The following NKAIN2 variants were observed in gnomAD, a reference collection of about 807,000 sequenced individuals.
NKAIN2 encodes the protein sodium/potassium transporting ATPase interacting 2.
A neutral mutation model predicts 32.6 loss-of-function variants in NKAIN2; 14 were observed. That is an observed-to-expected ratio of 0.43 (90% CI 0.28 to 0.67). The LOEUF is 0.67. Ranked by LOEUF, NKAIN2 falls within the 30% of genes least tolerant of loss-of-function variation. The pLI is 0.17. For missense variants in NKAIN2, 198 were observed against 258.3 expected, an observed-to-expected ratio of 0.77 and a Z score of 1.60; for synonymous variants, 80 against 87.2, an observed-to-expected ratio of 0.92 and a Z score of 0.46.
intron 1 of NKAIN2, among the ~76,000 whole-genome samples, chr6:124,169,308 A>T (rs547446243): frequency 2.0e-5 from 3 of 152,260 alleles, no homozygotes; most frequent in Admixed American, 6.5e-5. Context: ...GCATTTGATA[A>T]AATTTGGATA....
chr6:124,414,590 C>G (rs1170140787), intron 3 of NKAIN2, among the ~76,000 whole-genome samples: 1 of 152,040 alleles, frequency 6.6e-6, no homozygotes, highest in African/African-American at 2.4e-5. Flanking sequence ...TTTGCTTTTG[C>G]TAAATATTTG....
chr6:124,791,397 G>A lies in NKAIN2; in HGVS notation c.533G>A (p.Ser178Asn). 1 of 1,600,436 alleles carries A rather than the reference G, an allele frequency of 6.2e-7. No homozygotes were observed. Among genetic ancestry groups the A allele is most frequent in the Non-Finnish European group, 8.6e-7 (1 of 1,168,780 alleles). ...AAATGTATAACTGAAGAAGAGGACAGCTGTAAGTATTAAAGCTCTATTCTG... is the reference window on the plus strand; with the variant it reads ...AAATGTATAACTGAAGAAGAGGACAACTGTAAGTATTAAAGCTCTATTCTG... ...VVKCITEEED[S>N]FDFIGGFDSY... The change falls in exon 5 of 7, where the codon AGC becomes AAC. Residue 178 changes from serine to asparagine, a missense_variant and splice_region_variant. Transcript: ENST00000368417.
At chr6:123,840,920 A>G (rs1774841675) in intron 1 of NKAIN2, among the ~76,000 whole-genome samples, 1 of 152,158 alleles carries the variant, frequency 6.6e-6, no homozygotes, top group African/African-American at 2.4e-5. Flanking sequence ...GCTTTCTGTA[A>G]AAGGAAAACA....
At chr6:124,481,272 A>T (rs1384003480) in intron 3 of NKAIN2, among the ~76,000 whole-genome samples, 1 of 151,958 alleles carries the variant, frequency 6.6e-6, no homozygotes, top group Non-Finnish European at 1.5e-5. Flanking sequence ...ATTATTTCCA[A>T]GTTTCAGTTG....
chr6:124,442,898 T>C (rs1405475354), intron 3 of NKAIN2, among the ~76,000 whole-genome samples: 1 of 152,112 alleles, frequency 6.6e-6, no homozygotes, highest in East Asian at 1.9e-4. Flanking sequence ...CTGGGTTGTT[T>C]GTCCCAAGGA....
chr6:124,124,188 T>C (rs1786035161), intron 1 of NKAIN2, among the ~76,000 whole-genome samples: 1 of 152,198 alleles, frequency 6.6e-6, no homozygotes, highest in African/African-American at 2.4e-5. Context: ...AACATTACAC[T>C]GGAAAAGATG....
At chr6:124,207,505 A>T (rs919187339) in intron 1 of NKAIN2, among the ~76,000 whole-genome samples, 7 of 147,970 alleles carry the variant, frequency 4.7e-5, no homozygotes, top group African/African-American at 1.7e-4. Flanking sequence ...TGATTTTTAC[A>T]GTTTTACTAT....
chr6:124,086,050 T>C (rs896560087), intron 1 of NKAIN2, among the ~76,000 whole-genome samples: 4 of 151,940 alleles, frequency 2.6e-5, no homozygotes, highest in African/African-American at 9.7e-5. Context: ...ATTTGCATTA[T>C]TATAGGTCAC....
chr6:123,823,734 GA>G (rs1774021536), intron 1 of NKAIN2, among the ~76,000 whole-genome samples: 1 of 152,096 alleles, frequency 6.6e-6, no homozygotes, highest in Non-Finnish European at 1.5e-5. Flanking sequence ...AGTAGTTGGA[GA>G]AGGATCAGGT....
intron 1 of NKAIN2, among the ~76,000 whole-genome samples, chr6:124,252,542 T>A (rs1405451652): frequency 3.9e-5 from 6 of 152,102 alleles, no homozygotes; most frequent in Non-Finnish European, 8.8e-5. Flanking sequence ...TTGATAGATA[T>A]TTTCATTCTT....
At chr6:124,805,706 A>G (rs1265968075) in intron 5 of NKAIN2, among the ~76,000 whole-genome samples, 3 of 152,220 alleles carry the variant, frequency 2.0e-5, no homozygotes, top group Non-Finnish European at 4.4e-5. Flanking sequence ...ACAGGAGGAA[A>G]TTCAAACCAA....
chr6:124,691,713 GA>G lies in NKAIN2; in HGVS notation c.474+33334del, dbSNP rs369781086. Among the ~76,000 whole-genome samples the G allele has an allele frequency of 6.6e-4, 101 of 152,164 alleles. No homozygotes were observed. In the South Asian group the frequency reaches 0.02, roughly 30 times the overall value. ...AGTCATCCACCCAGGATTATCCTTA[GA>G]AAAAAATGACCTATTTGATTTTTCC... On this transcript the variant is annotated intron_variant, in intron 4 of 6. Transcript: ENST00000368417.
rs73772122 is a variant in NKAIN2 at position 124,459,696 on chromosome 6, G to C, written c.273+104349G>C. ...ATTTATTTTCCCTAATGTTAATATT[G>C]CTTCATCAGTTTTCTTTCTGTTGGT... On this transcript the variant is annotated intron_variant, in intron 3 of 6. Transcript: ENST00000368417. 9.9e-3 allele frequency among the ~76,000 whole-genome samples: 1,503 copies of C among 151,756 alleles called. 22 individuals carry two copies. Among genetic ancestry groups the C allele is most frequent in the African/African-American group, 0.035 (1,433 of 41,458 alleles).
chr6:124,279,327 G>A (rs1795187699), intron 1 of NKAIN2, among the ~76,000 whole-genome samples: 1 of 152,006 alleles, frequency 6.6e-6, no homozygotes, highest in Non-Finnish European at 1.5e-5. Context: ...CTAACACGGT[G>A]AAACCCCGTC....
At chr6:124,637,359 C>T (rs1319664077) in intron 3 of NKAIN2, among the ~76,000 whole-genome samples, 2 of 151,944 alleles carry the variant, frequency 1.3e-5, no homozygotes, top group Non-Finnish European at 2.9e-5. Context: ...TTTTACCTCT[C>T]TTATTCAATA....
intron 1 of NKAIN2, among the ~76,000 whole-genome samples, chr6:123,929,616 A>G (rs750935891): frequency 4.6e-5 from 7 of 152,172 alleles, no homozygotes; most frequent in African/African-American, 9.6e-5. Context: ...AAGTATTTAC[A>G]TTACTATTAC....
At chr6:124,226,957 A>G (rs914787200) in intron 1 of NKAIN2, among the ~76,000 whole-genome samples, 3 of 152,124 alleles carry the variant, frequency 2.0e-5, no homozygotes, top group African/African-American at 7.2e-5. Context: ...AGAAATAGAA[A>G]TAGAGTATTT....
At chr6:124,510,523 T>C (rs569998557) in intron 3 of NKAIN2, among the ~76,000 whole-genome samples, 1 of 152,362 alleles carries the variant, frequency 6.6e-6, no homozygotes, top group South Asian at 2.1e-4. Flanking sequence ...GGAATCTGCA[T>C]GCCATCTTTA....
chr6:124,362,670 G>T (rs553130264), intron 3 of NKAIN2, among the ~76,000 whole-genome samples: 1 of 151,882 alleles, frequency 6.6e-6, no homozygotes, highest in African/African-American at 2.4e-5. Flanking sequence ...CTTCCTGCTG[G>T]TGTCAGGTCA....
Sources: gnomAD v4.1 joint callset for allele counts (sites outside exome capture counted in the v4.1 genomes callset) on GRCh38, gnomAD v4.1.1 for gene constraint, MANE v1.5 for transcripts, NCBI Gene and HGNC (gene_info 2026-07-23, HGNC 2026-07-21) for gene names.